DLC1: variants seen among roughly 807,000 people sequenced by gnomAD.
DLC1 encodes rho GTPase-activating protein 7.
A neutral mutation model predicts 140.3 loss-of-function variants in DLC1; 54 were observed. The ratio of observed to expected loss-of-function variants is 0.38; its 90% CI spans 0.31 to 0.48. The LOEUF is 0.48. Among genes scored for constraint, DLC1 ranks in the 20% least tolerant of loss-of-function variants. The pLI, the probability that DLC1 is intolerant of heterozygous loss-of-function variation, is 0.96. For synonymous variants in DLC1, 986 were observed against 728.1 expected (o/e 1.35, Z -5.70); for missense variants, 2,536 against 1,907.0 (o/e 1.33, Z -6.14).
At chr8:13,476,156 A>T (rs1800424554) in intron 2 of DLC1, among the ~76,000 whole-genome samples, 3 of 152,240 alleles carry the variant, frequency 2.0e-5, no homozygotes, top group Non-Finnish European at 4.4e-5. Flanking sequence ...AGAATAAATA[A>T]GAAGTGCTTA....
chr8:13,090,312 C>T lies in DLC1; in HGVS notation c.4014G>A (p.Glu1338=), dbSNP rs375361935. The T allele has an allele frequency of 2.7e-5, 43 of 1,614,202 alleles. No homozygotes were observed. In the African/African-American group the frequency reaches 5.5e-4, roughly 21 times the overall value. Residue 1338 remains glutamate, a synonymous_variant, in exon 15 of 18, where the codon GAG becomes GAA. Transcript: ENST00000276297. Reference sequence around the variant, plus strand: ...AGTAGCTGACCCAGCCTTTAAACTTCTCTTTGACTTCTTTAAACAGGCCAT... The same window carrying T: ...AGTAGCTGACCCAGCCTTTAAACTTTTCTTTGACTTCTTTAAACAGGCCAT... ...CVDGLFKEVK[E]KFKGWVSYST... is the part of the protein sequence containing the mutation.
At chr8:13,321,471 G>C (rs545701898) in intron 4 of DLC1, among the ~76,000 whole-genome samples, 3 of 141,816 alleles carry the variant, frequency 2.1e-5, no homozygotes, top group African/African-American at 7.8e-5. Flanking sequence ...CCAGGAGGCA[G>C]AAGTTGCAGT....
intron 4 of DLC1, among the ~76,000 whole-genome samples, chr8:13,389,361 C>T (rs112770311): frequency 1.3e-5 from 2 of 152,018 alleles, no homozygotes; most frequent in African/African-American, 4.8e-5. Context: ...TACTGTTGCA[C>T]AGTGAATCAA....
chr8:13,453,550 A>T (rs867890348), intron 2 of DLC1, among the ~76,000 whole-genome samples: 1,363 of 45,906 alleles, frequency 0.03, 106 homozygotes, highest in African/African-American at 0.048. Flanking sequence ...ATATATATAT[A>T]TATATATTTT....
rs931476259 is a variant in DLC1 at position 13,464,786 on chromosome 8, A to G, written c.1023+34263T>C. 1.9e-3 allele frequency among the ~76,000 whole-genome samples: 255 copies of G among 134,428 alleles called. 1 individual carries two copies. The highest frequency in any genetic ancestry group is 3.6e-3 in the Non-Finnish European group (225 of 62,028). The allele number at this position is 134,428 out of a possible 152,430, so 88.2% of individuals were successfully genotyped here. A position where few individuals can be genotyped will look rare whatever the true frequency, so the allele number is the denominator to read the frequency against. ...TATATTTATATATATATATATATAT[A>G]TATATTTATGCTTAAATAAGGTTTT... is the stretch of plus-strand genomic sequence containing the variant. On this transcript the variant is annotated intron_variant, in intron 2 of 17. Transcript: ENST00000276297.
intron 2 of DLC1, among the ~76,000 whole-genome samples, chr8:13,407,988 A>C (rs1585055558): frequency 6.7e-6 from 1 of 149,198 alleles, no homozygotes; most frequent in African/African-American, 2.4e-5. Flanking sequence ...ATGTTATTAA[A>C]TCTCTTTTTT....
At chr8:13,591,967 C>T (rs1336258212) in intron 1 of DLC1, among the ~76,000 whole-genome samples, 3 of 151,964 alleles carry the variant, frequency 2.0e-5, no homozygotes, top group South Asian at 2.1e-4. Flanking sequence ...AAAATCAGCA[C>T]CTGGTTACAA....
chr8:13,225,038 C>T (rs1486435134), intron 5 of DLC1, among the ~76,000 whole-genome samples: 3 of 152,174 alleles, frequency 2.0e-5, no homozygotes, highest in Admixed American at 2.0e-4. Flanking sequence ...ACAGGCCAGC[C>T]TGAAGAATTC....
chr8:13,178,570 C>T, intron 5 of DLC1, among the ~76,000 whole-genome samples: 1 of 128,174 alleles, frequency 7.8e-6, no homozygotes, highest in African/African-American at 3.2e-5. Flanking sequence ...GAGACTCTGC[C>T]TCAAAAAAAA....
intron 2 of DLC1, among the ~76,000 whole-genome samples, chr8:13,454,775 A>G (rs887763306): frequency 1.3e-5 from 2 of 152,164 alleles, no homozygotes; most frequent in Non-Finnish European, 2.9e-5. Flanking sequence ...GCTGGTCTCA[A>G]ACTCCTGTCC....
intron 5 of DLC1, among the ~76,000 whole-genome samples, chr8:13,246,450 T>C (rs1482414488): frequency 6.6e-6 from 1 of 152,222 alleles, no homozygotes; most frequent in Non-Finnish European, 1.5e-5. Context: ...AGAGTGGTTT[T>C]CTTTTTTCTG....
rs982869446 is a variant in DLC1, at chr8:13,198,195, C to T, written c.1349-82538G>A. On this transcript the variant is annotated intron_variant, in intron 5 of 17. Transcript: ENST00000276297. The stretch of plus-strand genomic sequence containing the variant: ...AGAAAGTGACGATCACAAGTGTGAT[C>T]TGGGCTAATAATTAAATTTTAAAAT... Among the ~76,000 whole-genome samples, 8 of 152,228 alleles carry T rather than the reference C, an allele frequency of 5.3e-5. No homozygotes were observed. In the East Asian group the frequency reaches 1.5e-3, roughly 29 times the overall value.
chr8:13,090,623 C>A (rs11991982), intron 14 of DLC1, among the ~76,000 whole-genome samples, 153 bp from the exon 15 acceptor site: 2 of 152,066 alleles, frequency 1.3e-5, no homozygotes, highest in East Asian at 1.9e-4. Context: ...GCTGACCGCA[C>A]GTGTTATCAC....
chr8:13,337,470 G>C (rs971972398), intron 4 of DLC1, among the ~76,000 whole-genome samples: 2 of 152,030 alleles, frequency 1.3e-5, no homozygotes, highest in African/African-American at 4.8e-5. Flanking sequence ...TTTGTATTTT[G>C]TGGTTATTTT....
chr8:13,200,155 G>A (rs577249713), intron 5 of DLC1, among the ~76,000 whole-genome samples: 60 of 152,184 alleles, frequency 3.9e-4, no homozygotes, highest in African/African-American at 1.3e-3. Flanking sequence ...CGATTCTCCT[G>A]CCTCTGCCTC....
intron 2 of DLC1, among the ~76,000 whole-genome samples, chr8:13,458,025 T>G (rs1799490415): frequency 6.6e-6 from 1 of 152,114 alleles, no homozygotes; most frequent in Non-Finnish European, 1.5e-5. Context: ...GACAGTAAAT[T>G]AATAATTGAA....
intron 5 of DLC1, among the ~76,000 whole-genome samples, chr8:13,188,803 ATATATATATATATATATATATATG>A (rs71207130): frequency 9.9e-4 from 41 of 41,424 alleles, no homozygotes; most frequent in Non-Finnish European, 1.6e-3. Context: ...GTGTGTGTGT[ATATATATATATATATATATATATG>A]TATATATATA....
intron 1 of DLC1, among the ~76,000 whole-genome samples, chr8:13,549,022 C>T (rs751993624): frequency 7.2e-5 from 11 of 152,004 alleles, no homozygotes; most frequent in South Asian, 6.2e-4. Flanking sequence ...TATTTTTAAA[C>T]ATTTTTCCTT....
At chr8:13,402,264 C>A (rs1415175425) in intron 2 of DLC1, among the ~76,000 whole-genome samples, 1 of 152,182 alleles carries the variant, frequency 6.6e-6, no homozygotes, top group Non-Finnish European at 1.5e-5. Flanking sequence ...ATTCTCAGTT[C>A]TCTGTACTAC....
Sources: allele counts gnomAD v4.1 joint callset (sites outside exome capture counted in the v4.1 genomes callset), GRCh38; gene constraint gnomAD v4.1.1; transcripts MANE v1.5; gene names NCBI Gene and HGNC (gene_info 2026-07-23, HGNC 2026-07-21).